ZNF621: variants seen among roughly 807,000 people sequenced by gnomAD.
The protein encoded by ZNF621 is zinc finger protein 621.
A neutral mutation model predicts 12.7 loss-of-function variants in ZNF621; 6 were observed. The observed-to-expected ratio is 0.47, with a 90% CI of 0.26 to 0.93. ZNF621 has a LOEUF of 0.93. Ranked by LOEUF, ZNF621 falls within the 40% of genes least tolerant of loss-of-function variation. The probability of loss-of-function intolerance (pLI) is 0.15; values close to 1 mark genes in which losing one functional copy is unlikely to be tolerated. For synonymous variants in ZNF621, 156 were observed against 190.3 expected (o/e 0.82, Z 1.48); for missense variants, 474 against 524.0 (o/e 0.90, Z 0.93).
In ZNF621 at chr3:40,532,216, A is replaced by G. The variant is rs1698743205; in HGVS notation, c.446A>G (p.Lys149Arg). Residue 149 changes from lysine (K) to arginine (R), a missense_variant, in exon 5 of 5, where the codon AAG (lysine) becomes AGG (arginine). Lys to Arg is a conservative substitution (Grantham distance 26). Transcript: ENST00000339296. ...AATCTGATACTTCGAGGTGGAATGA[A>G]GTTCTATGAATGTAAAGAATGTGGG... ...NPNLILRGGM[K>R]FYECKECGKI... 2.5e-6 allele frequency: 4 copies of G among 1,614,208 alleles called. No individual in the cohort carries two copies. The highest frequency in any genetic ancestry group is 3.4e-6 in the Non-Finnish European group (4 of 1,180,044).
rs1243580103 is a variant in ZNF621, at chr3:40,529,334, G to A, written c.40G>A (p.Glu14Lys). Reference sequence around the variant, plus strand: ...GTTGTTTCAGGAGTCAGTGACCTTTGAGGATGTGGCTGTTTACTTCACCCA... The same window carrying A: ...GTTGTTTCAGGAGTCAGTGACCTTTAAGGATGTGGCTGTTTACTTCACCCA... ...TTWPQESVTF[E>K]DVAVYFTQNQ... The change falls in exon 3 of 5, where the codon GAG becomes AAG. Residue 14 changes from glutamate (E) to lysine (K), a missense_variant. By Grantham distance (56) the Glu-to-Lys change is moderately conservative. Transcript: ENST00000339296. 2 of 1,613,544 alleles carry A rather than the reference G, an allele frequency of 1.2e-6. No individual in the cohort carries two copies. The highest frequency in any genetic ancestry group is 2.2e-5 in the South Asian group (2 of 91,072).
Position 40,533,077 on chromosome 3 carries a change from C to G in ZNF621, c.1307C>G (p.Ser436Cys). ...KPSPVILTPS[S>C]HSS ...TCCCCAGTTATTCTCACCCCTTCTTCTCACTCCTCATGAGCTTTATCTTGG... is the reference window on the plus strand; with the variant it reads ...TCCCCAGTTATTCTCACCCCTTCTTGTCACTCCTCATGAGCTTTATCTTGG... Residue 436 changes from serine (S) to cysteine (C), a missense_variant, in exon 5 of 5, where the codon TCT becomes TGT. Physicochemically the swap from Ser to Cys is moderately radical, Grantham distance 112. Transcript: ENST00000339296. 6.4e-7 allele frequency: 1 copy of G among 1,551,594 alleles called. No individual in the cohort carries two copies. Among genetic ancestry groups the G allele is most frequent in the Non-Finnish European group, 8.7e-7 (1 of 1,146,874 alleles).
rs1298375840 is a variant in ZNF621, at chr3:40,532,681, T to C, written c.911T>C (p.Ile304Thr). ...KECGKAFTQK[I>T]ASIQHQRVHT... ...TGTGGCAAAGCCTTCACCCAGAAAA[T>C]AGCCTCCATTCAGCATCAGAGAGTT... Residue 304 changes from isoleucine (I) to threonine (T), a missense_variant, in exon 5 of 5, where the codon ATA (isoleucine) becomes ACA (threonine). Transcript: ENST00000339296. 6.2e-7 allele frequency: 1 copy of C among 1,613,940 alleles called. No individual in the cohort carries two copies. The highest frequency in any genetic ancestry group is 8.5e-7 in the Non-Finnish European group (1 of 1,179,996).
In ZNF621 at chr3:40,535,386, A is replaced by C. The variant is rs1293397730; in HGVS notation, c.*2296A>C. ...ACCTTAGATTTGCTCCATACTATTA[A>C]TTAGCTTACAAAATGTCTAAGAGGA... On this transcript the variant is annotated 3_prime_UTR_variant, in exon 5 of 5. Transcript: ENST00000339296. 6.6e-6 allele frequency: 1 copy of C among 152,200 alleles called. No individual in the cohort carries two copies. Among genetic ancestry groups the C allele is most frequent in the East Asian group, 1.9e-4 (1 of 5,190 alleles). 9.4% of individuals were successfully genotyped at this position (152,200 alleles called of 1,614,324 possible). A position where few individuals can be genotyped will look rare whatever the true frequency, so the allele number is the denominator to read the frequency against.
chr3:40,533,177 G>A lies in ZNF621; in HGVS notation c.*87G>A, dbSNP rs1698780255. 6.8e-7 allele frequency: 1 copy of A among 1,480,758 alleles called. No individual in the cohort carries two copies. Among genetic ancestry groups the A allele is most frequent in the Non-Finnish European group, 9.0e-7 (1 of 1,116,280 alleles). The allele number at this position is 1,480,758 out of a possible 1,614,324, so 91.7% of individuals were successfully genotyped here. A position where few individuals can be genotyped will look rare whatever the true frequency, so the allele number is the denominator to read the frequency against. ...TTTTTTTGAGAAAGGGTCTTGCTCT[G>A]TCACCCAGGCTAGAGTGCGGTGGTG... On this transcript the variant is annotated 3_prime_UTR_variant, in exon 5 of 5. Transcript: ENST00000339296.
intron 2 of ZNF621, among the ~76,000 whole-genome samples, chr3:40,528,867 A>G (rs1559557146): frequency 6.6e-6 from 1 of 152,126 alleles, no homozygotes; most frequent in Non-Finnish European, 1.5e-5. Context: ...TTCTTTGTAC[A>G]TTTTGGATAA....
At chr3:40,530,537 C>T (rs1051846041) in intron 4 of ZNF621, among the ~76,000 whole-genome samples, 2 of 152,174 alleles carry the variant, frequency 1.3e-5, no homozygotes, top group Non-Finnish European at 2.9e-5. Context: ...GGCTATCCTC[C>T]AAGGCAGAAA....
At position 40,537,941 on chromosome 3, in the gene ZNF621, A is replaced by T. The variant is rs1698907547; in HGVS notation, c.*4851A>T. Among the ~76,000 whole-genome samples the T allele has an allele frequency of 6.6e-6, 1 of 152,238 alleles. No homozygotes were observed. Among genetic ancestry groups the T allele is most frequent in the Non-Finnish European group, 1.5e-5 (1 of 68,042 alleles). ...CAGCCTTCTTTTGGAAGAAGAAACCATCTAGGACTTTCATGGAGAAGAGAA... is the reference window on the plus strand; with the variant it reads ...CAGCCTTCTTTTGGAAGAAGAAACCTTCTAGGACTTTCATGGAGAAGAGAA... On this transcript the variant is annotated 3_prime_UTR_variant, in exon 5 of 5. Transcript: ENST00000339296.
In ZNF621 at chr3:40,532,269, A is replaced by G. The variant is rs531892708; in HGVS notation, c.499A>G (p.Ile167Val). ...AATCTTCCGATATAACTCAAAGCTTATTCGGCATCAGATGAGTCATACTGG... is the reference window on the plus strand; with the variant it reads ...AATCTTCCGATATAACTCAAAGCTTGTTCGGCATCAGATGAGTCATACTGG... ...GKIFRYNSKL[I>V]RHQMSHTGEK... Residue 167 changes from isoleucine (I) to valine (V), a missense_variant, in exon 5 of 5, where the codon ATT (isoleucine) becomes GTT (valine). Coordinates refer to ENST00000339296, the MANE Select transcript of ZNF621 (RefSeq NM_198484.5). 5 of 1,613,788 alleles carry G rather than the reference A, an allele frequency of 3.1e-6. No individual in the cohort carries two copies. The highest frequency in any genetic ancestry group is 2.7e-5 in the African/African-American group (2 of 75,076).
At chr3:40,531,710 G>A (rs561221625) in intron 4 of ZNF621, among the ~76,000 whole-genome samples, 1 of 152,152 alleles carries the variant, frequency 6.6e-6, no homozygotes, top group Admixed American at 6.5e-5. Context: ...CCACAGGGGT[G>A]CGCCACCATG....
chr3:40,531,789 C>T (rs866110527), intron 4 of ZNF621, among the ~76,000 whole-genome samples: 2 of 152,146 alleles, frequency 1.3e-5, no homozygotes, highest in Non-Finnish European at 2.9e-5. Context: ...GTCTCGAACT[C>T]CTGAGCTCAA....
rs551947553 is a variant in ZNF621, at chr3:40,533,196, G to A, written c.*106G>A. On this transcript the variant is annotated 3_prime_UTR_variant, in exon 5 of 5. Coordinates refer to ENST00000339296, the MANE Select transcript of ZNF621 (RefSeq NM_198484.5). ...TGCTCTGTCACCCAGGCTAGAGTGC[G>A]GTGGTGTGATCTTGGCTCACTGCAA... 5.2e-5 allele frequency: 76 copies of A among 1,456,596 alleles called. 1 individual carries two copies. Among genetic ancestry groups the A allele is most frequent in the South Asian group, 2.1e-4 (14 of 67,924 alleles). 90.2% of individuals were successfully genotyped at this position (1,456,596 alleles called of 1,614,324 possible).
rs1698930962 is a variant in ZNF621 at position 40,538,766 on chromosome 3, G to T, written c.*5676G>T. ...AGTAACTTGAAAACCTTCTGGAAAG[G>T]ATTCATCATTCTAGATGCCATTAAG... On this transcript the variant is annotated 3_prime_UTR_variant, in exon 5 of 5. Coordinates refer to ENST00000339296, the MANE Select transcript of ZNF621 (RefSeq NM_198484.5). 6.6e-6 allele frequency: 1 copy of T among 152,418 alleles called. No individual in the cohort carries two copies. The highest frequency in any genetic ancestry group is 1.5e-5 in the Non-Finnish European group (1 of 68,228). 9.4% of individuals were successfully genotyped at this position (152,418 alleles called of 1,614,324 possible). A position where few individuals can be genotyped will look rare whatever the true frequency, so the allele number is the denominator to read the frequency against.
chr3:40,525,965 G>T (rs568431538), intron 2 of ZNF621, 101 bp downstream of exon 2: 2 of 1,390,406 alleles, frequency 1.4e-6, no homozygotes, highest in Admixed American at 4.1e-5. Context: ...GCCTAACTTG[G>T]CCAAGCTGTG....
chr3:40,531,011 A>AT (rs1168232241), intron 4 of ZNF621, among the ~76,000 whole-genome samples: 1 of 152,068 alleles, frequency 6.6e-6, no homozygotes. Flanking sequence ...TCAGAAGAAA[A>AT]TTTTCAAGCC....
intron 2 of ZNF621, among the ~76,000 whole-genome samples, chr3:40,527,237 G>A (rs1044299135): frequency 6.6e-6 from 1 of 151,490 alleles, no homozygotes; most frequent in Non-Finnish European, 1.5e-5. Flanking sequence ...AGCTGATCTC[G>A]AACTCCCGAC....
At chr3:40,529,589 T>C in intron 3 of ZNF621, 144 bp downstream of exon 3, 1 of 1,552,758 alleles carries the variant, frequency 6.4e-7, no homozygotes. Flanking sequence ...GGGAAATCCT[T>C]GGTTCTCTTT....
At position 40,532,988 on chromosome 3, in the gene ZNF621, A is replaced by T; in HGVS notation, c.1218A>T (p.Gly406=). The T allele has an allele frequency of 6.4e-7, 1 of 1,551,738 alleles. No homozygotes were observed. The highest frequency in any genetic ancestry group is 8.7e-7 in the Non-Finnish European group (1 of 1,147,034). The part of the protein sequence containing the change: ...GNFFMLLPTS[G]IPSSSAQIVR... The stretch of plus-strand genomic sequence containing the variant: ...TTTTCATGCTGCTGCCTACATCTGG[A>T]ATACCTTCTTCATCTGCCCAAATAG... The change falls in exon 5 of 5, where the codon GGA becomes GGT. Residue 406 remains glycine, a synonymous_variant. Transcript: ENST00000339296.
chr3:40,530,808 A>G (rs1698707628), intron 4 of ZNF621, among the ~76,000 whole-genome samples: 1 of 152,192 alleles, frequency 6.6e-6, no homozygotes, highest in Non-Finnish European at 1.5e-5. Flanking sequence ...CTTTAGATCT[A>G]CATTATATTT....
Sources: allele counts gnomAD v4.1 joint callset (sites outside exome capture counted in the v4.1 genomes callset), GRCh38; gene constraint gnomAD v4.1.1; transcripts MANE v1.5; gene names NCBI Gene and HGNC (gene_info 2026-07-23, HGNC 2026-07-21).